Variants in SOX5 observed in about 807,000 individuals in gnomAD.
SOX5 encodes the protein transcription factor SOX-5.
SOX5 carries 9 observed loss-of-function variants against 92.0 expected under a neutral mutation model. The observed-to-expected ratio is 0.10, with a 90% confidence interval of 0.06 to 0.17. The LOEUF (loss-of-function observed/expected upper bound fraction) is 0.17. Ranked by LOEUF, SOX5 falls within the 10% of genes least tolerant of loss-of-function variation. SOX5 has a pLI of 1.00. For synonymous variants in SOX5, 344 were observed against 336.3 expected, an observed-to-expected ratio of 1.02 and a Z score of -0.25; for missense variants, 642 against 944.5, an observed-to-expected ratio of 0.68 and a Z score of 4.20.
intron 2 of SOX5, among the ~76,000 whole-genome samples, chr12:24,346,441 A>C (rs1953251849): frequency 1.3e-5 from 2 of 149,698 alleles, no homozygotes; most frequent in African/African-American, 4.9e-5. Flanking sequence ...TCAATACTTT[A>C]TTTTTGGAGT....
In SOX5 at chr12:23,531,792, T is replaced by TATTA. The variant is rs988673060; in HGVS notation, c.*2423_*2426dup. On this transcript the variant is annotated 3_prime_UTR_variant, in exon 15 of 15. Coordinates refer to ENST00000451604, the MANE Select transcript of SOX5 (RefSeq NM_006940.6). The stretch of plus-strand genomic sequence containing the variant: ...TAATTAAGATTGAACACGACCCTCC[T>TATTA]ATTAATTCACTCCTTTGTTTTAAAC... 1 of 152,070 alleles carries TATTA rather than the reference T, an allele frequency of 6.6e-6. No individual in the cohort carries two copies. Among genetic ancestry groups the TATTA allele is most frequent in the African/African-American group, 2.4e-5 (1 of 41,416 alleles). The allele number at this position is 152,070 out of a possible 1,614,324, so 9.4% of individuals were successfully genotyped here. A position where few individuals can be genotyped will look rare whatever the true frequency, so the allele number is the denominator to read the frequency against.
Position 24,423,170 on chromosome 12 carries a change from C to T in SOX5, c.-250-54531G>A, listed in dbSNP as rs149890459. Among the ~76,000 whole-genome samples, 23 of 152,294 alleles carry T rather than the reference C, an allele frequency of 1.5e-4. 2 individuals carry two copies. Among genetic ancestry groups the T allele is most frequent in the African/African-American group, 5.1e-4 (21 of 41,552 alleles). On this transcript the variant is annotated intron_variant, in intron 1 of 4. Transcript: ENST00000446891. ...GACTTCCCTACTAAACAGAGAAAGG[C>T]ATAAATGTACTGTGCAATCACCTCA...
At chr12:23,698,590 G>A (rs2090201905) in intron 6 of SOX5, among the ~76,000 whole-genome samples, 1 of 152,020 alleles carries the variant, frequency 6.6e-6, no homozygotes, top group African/African-American at 2.4e-5. Context: ...TTTAATAGCT[G>A]TTTCAACATC....
At chr12:24,113,704 C>T (rs1240669866) in intron 4 of SOX5, among the ~76,000 whole-genome samples, 1 of 151,970 alleles carries the variant, frequency 6.6e-6, no homozygotes, top group Non-Finnish European at 1.5e-5. Flanking sequence ...ATGAAAGGGG[C>T]AAGAGAAAGA....
intron 8 of SOX5, among the ~76,000 whole-genome samples, chr12:23,621,958 T>C (rs575648186): frequency 6.6e-6 from 1 of 152,274 alleles, no homozygotes; most frequent in East Asian, 1.9e-4. Flanking sequence ...TGTCACTCTT[T>C]ACATCAAGGA....
chr12:23,957,091 C>A (rs1946371682), intron 4 of SOX5, among the ~76,000 whole-genome samples: 1 of 152,162 alleles, frequency 6.6e-6, no homozygotes, highest in African/African-American at 2.4e-5. Context: ...AAATTTCTTG[C>A]CTTCCTAAGT....
At chr12:24,160,851 G>A (rs966970125) in intron 4 of SOX5, among the ~76,000 whole-genome samples, 1 of 151,950 alleles carries the variant, frequency 6.6e-6, no homozygotes, top group African/African-American at 2.4e-5. Flanking sequence ...TATTTTTCAG[G>A]GGATGACCTC....
At chr12:23,932,089 C>T (rs186967957) in intron 1 of SOX5, among the ~76,000 whole-genome samples, 116 of 151,380 alleles carry the variant, frequency 7.7e-4, no homozygotes, top group African/African-American at 2.7e-3. Context: ...ACCTGGTACA[C>T]CAAAATCTGA....
intron 4 of SOX5, among the ~76,000 whole-genome samples, chr12:24,117,846 C>T (rs1948185631): frequency 6.6e-6 from 1 of 151,612 alleles, no homozygotes; most frequent in African/African-American, 2.4e-5. Context: ...ATAGTGAAAC[C>T]CTATCTCTAC....
rs74068304 is a variant in SOX5, at chr12:24,408,275, G to A, written c.-250-39636C>T. Among the ~76,000 whole-genome samples the A allele has an allele frequency of 9.6e-3, 1,455 of 152,274 alleles. 24 individuals are homozygous for A. The highest frequency in any genetic ancestry group is 0.033 in the African/African-American group (1,372 of 41,550). On this transcript the variant is annotated intron_variant, in intron 1 of 4. Coordinates refer to the SOX5 transcript ENST00000446891. ...CTTTACAGAAAATGTGATGCTTTCA[G>A]ATTTTAATCTAGAAGACTTTACAGA...
chr12:24,500,215 T>C (rs756127130), intron 1 of SOX5, among the ~76,000 whole-genome samples: 6 of 152,214 alleles, frequency 3.9e-5, no homozygotes, highest in Non-Finnish European at 7.4e-5. Flanking sequence ...ATTTTCAAAA[T>C]AATCACATAC....
At chr12:24,469,197 T>G (rs1384618809) in intron 1 of SOX5, among the ~76,000 whole-genome samples, 1 of 152,112 alleles carries the variant, frequency 6.6e-6, no homozygotes. Flanking sequence ...ATACACAGTT[T>G]ACAGTAGGGT....
Position 23,734,667 on chromosome 12 carries a change from A to C in SOX5, c.810+17T>G, listed in dbSNP as rs1158061557. 1 of 1,582,108 alleles carries C rather than the reference A, an allele frequency of 6.3e-7. No homozygotes were observed. The highest frequency in any genetic ancestry group is 8.7e-7 in the Non-Finnish European group (1 of 1,153,824). ...TATTTTTTAAATTGTAAGTATATTG[A>C]AATTATGATTTCTGACCTGGATCTG... is the stretch of plus-strand genomic sequence containing the variant. On this transcript the variant is annotated intron_variant, in intron 6 of 14. Coordinates refer to ENST00000451604, the MANE Select transcript of SOX5 (RefSeq NM_006940.6).
intron 3 of SOX5, among the ~76,000 whole-genome samples, chr12:23,809,219 A>C (rs535266594): frequency 6.6e-6 from 1 of 152,242 alleles, no homozygotes; most frequent in African/African-American, 2.4e-5. Flanking sequence ...TGTTACATAA[A>C]ACCTAAAAGA....
At chr12:24,101,628 A>C (rs967649715) in intron 4 of SOX5, among the ~76,000 whole-genome samples, 10 of 152,272 alleles carry the variant, frequency 6.6e-5, no homozygotes, top group African/African-American at 2.2e-4. Flanking sequence ...ATACATCAAA[A>C]TTCACCAGCA....
intron 3 of SOX5, among the ~76,000 whole-genome samples, chr12:24,261,619 T>A (rs531386667): frequency 1.3e-5 from 2 of 152,170 alleles, no homozygotes; most frequent in African/African-American, 4.8e-5. Context: ...ATTCACCAAA[T>A]TAGACAAGAT....
intron 2 of SOX5, among the ~76,000 whole-genome samples, chr12:23,894,409 G>C (rs1262600520): frequency 6.6e-6 from 1 of 152,058 alleles, no homozygotes; most frequent in Non-Finnish European, 1.5e-5. Context: ...TGTATTTTCA[G>C]TAGAGATGGG....
At chr12:23,953,440 T>A (rs1352943638), upstream of SOX5, among the ~76,000 whole-genome samples, 1 of 152,096 alleles carries the variant, frequency 6.6e-6, no homozygotes, top group African/African-American at 2.4e-5. Flanking sequence ...ACATCACAAC[T>A]AATACCGCAA....
At chr12:24,281,704 G>T (rs1334008611) in intron 2 of SOX5, among the ~76,000 whole-genome samples, 1 of 152,176 alleles carries the variant, frequency 6.6e-6, no homozygotes, top group Non-Finnish European at 1.5e-5. Context: ...CAAATGCAAA[G>T]GTAAATGGCA....
Sources: gnomAD v4.1 joint callset for allele counts (sites outside exome capture counted in the v4.1 genomes callset) on GRCh38, gnomAD v4.1.1 for gene constraint, MANE v1.5 for transcripts, NCBI Gene and HGNC (gene_info 2026-07-23, HGNC 2026-07-21) for gene names.